ELP4: variants seen among roughly 807,000 people sequenced by gnomAD.
ELP4 encodes elongator complex protein 4.
A neutral mutation model predicts 48.9 loss-of-function variants in ELP4; 51 were observed. The ratio of observed to expected loss-of-function variants is 1.04; its 90% CI spans 0.83 to 1.32. ELP4 has a LOEUF of 1.32. Ranked by LOEUF, ELP4 falls within the 40% of genes most tolerant of loss-of-function variation. The pLI is 0.00. For missense variants in ELP4, 519 were observed against 514.6 expected (o/e 1.01, Z -0.08); for synonymous variants, 210 against 189.2 (o/e 1.11, Z -0.90).
chr11:31,704,991 CAG>C (rs1235267971), intron 9 of ELP4, among the ~76,000 whole-genome samples: 1 of 146,522 alleles, frequency 6.8e-6, no homozygotes, highest in African/African-American at 2.5e-5. Flanking sequence ...AACCTGGGAA[CAG>C]AGCGAGACTC....
At chr11:31,705,170 GGGAA>G (rs1296937305) in intron 9 of ELP4, among the ~76,000 whole-genome samples, 1 of 152,126 alleles carries the variant, frequency 6.6e-6, no homozygotes, top group Non-Finnish European at 1.5e-5. Flanking sequence ...TTTGGAGACT[GGGAA>G]GTCCAAGAGC....
chr11:31,553,336 A>G (rs74382768), intron 3 of ELP4, among the ~76,000 whole-genome samples: 4,023 of 152,240 alleles, frequency 0.026, 166 homozygotes, highest in African/African-American at 0.091. Flanking sequence ...AGGAATTAAC[A>G]TTTAATTTGG....
At chr11:31,553,676 C>T (rs1389146458) in intron 3 of ELP4, among the ~76,000 whole-genome samples, 2 of 149,614 alleles carry the variant, frequency 1.3e-5, no homozygotes, top group Non-Finnish European at 3.0e-5. Context: ...TTGCCCACAT[C>T]TATAATTATA....
intron 6 of ELP4, among the ~76,000 whole-genome samples, chr11:31,631,064 C>T (rs1944851059): frequency 6.6e-6 from 1 of 152,232 alleles, no homozygotes; most frequent in Non-Finnish European, 1.5e-5. Flanking sequence ...TATTCATTTA[C>T]TAGCTTATGT....
At chr11:31,539,933 G>C in intron 3 of ELP4, 150 bp downstream of exon 3, 1 of 614,478 alleles carries the variant, frequency 1.6e-6, no homozygotes. Context: ...TCAGTAAAAA[G>C]TATCAAATTT....
At chr11:31,781,401 C>T (rs1409360721) in intron 9 of ELP4, among the ~76,000 whole-genome samples, 1 of 150,966 alleles carries the variant, frequency 6.6e-6, no homozygotes, top group Non-Finnish European at 1.5e-5. Context: ...GTCCTGCTTC[C>T]TCACGTGGAC....
chr11:31,706,125 A>G (rs1297055044), intron 9 of ELP4, among the ~76,000 whole-genome samples: 1 of 152,128 alleles, frequency 6.6e-6, no homozygotes, highest in African/African-American at 2.4e-5. Flanking sequence ...TACTTTTTAA[A>G]TTGACATATA....
At chr11:31,734,506 G>A (rs996315721) in intron 9 of ELP4, among the ~76,000 whole-genome samples, 5 of 152,194 alleles carry the variant, frequency 3.3e-5, no homozygotes, top group Non-Finnish European at 7.3e-5. Context: ...AATGAATTCA[G>A]CAAAGTTGCT....
intron 3 of ELP4, among the ~76,000 whole-genome samples, chr11:31,552,096 T>G (rs999957927): frequency 6.6e-6 from 1 of 152,202 alleles, no homozygotes; most frequent in African/African-American, 2.4e-5. Context: ...GCACTTGATA[T>G]CATTGATCAT....
At chr11:31,622,580 A>G (rs1435370384) in intron 5 of ELP4, among the ~76,000 whole-genome samples, 2 of 151,604 alleles carry the variant, frequency 1.3e-5, no homozygotes, top group Non-Finnish European at 3.0e-5. Context: ...CTTTCTTAAT[A>G]AGATTGAATG....
At chr11:31,676,041 T>G (rs1945919642) in intron 9 of ELP4, among the ~76,000 whole-genome samples, 1 of 152,054 alleles carries the variant, frequency 6.6e-6, no homozygotes, top group South Asian at 2.1e-4. Flanking sequence ...ATTCTTCATC[T>G]CACTCAGAAG....
chr11:31,722,856 A>C (rs1318104369), intron 9 of ELP4, among the ~76,000 whole-genome samples: 1 of 152,138 alleles, frequency 6.6e-6, no homozygotes, highest in Admixed American at 6.5e-5. Flanking sequence ...AACTTGGGAC[A>C]CAAGCAGCCC....
chr11:31,720,756 G>A (rs1303808006), intron 9 of ELP4, among the ~76,000 whole-genome samples: 1 of 152,148 alleles, frequency 6.6e-6, no homozygotes, highest in Non-Finnish European at 1.5e-5. Flanking sequence ...TTGCTCTCAA[G>A]AAACATGAAC....
intron 3 of ELP4, among the ~76,000 whole-genome samples, chr11:31,557,857 TATAA>T (rs1004863409): frequency 6.6e-6 from 1 of 152,052 alleles, no homozygotes; most frequent in African/African-American, 2.4e-5. Context: ...CTTAATACCT[TATAA>T]ATAATTTTTT....
At chr11:31,673,199 T>G (rs1945846107) in intron 9 of ELP4, among the ~76,000 whole-genome samples, 1 of 152,102 alleles carries the variant, frequency 6.6e-6, no homozygotes, top group South Asian at 2.1e-4. Flanking sequence ...GTATTTTTAG[T>G]AGAGATGGGG....
chr11:31,538,135 T>C (rs1362655879), intron 2 of ELP4, among the ~76,000 whole-genome samples: 1 of 151,656 alleles, frequency 6.6e-6, no homozygotes, highest in Admixed American at 6.6e-5. Flanking sequence ...TCAGTTCCTA[T>C]TTTTGTTACT....
chr11:31,639,533 G>A lies in ELP4; in HGVS notation c.927+7128G>A, dbSNP rs184088433. On this transcript the variant is annotated intron_variant, in intron 7 of 9. Transcript: ENST00000640961. Reference sequence around the variant, plus strand: ...TAAAGTCACATCATAGCTTGTGTGCGTTATACGTATATATTTAATTTACTT... The same window carrying A: ...TAAAGTCACATCATAGCTTGTGTGCATTATACGTATATATTTAATTTACTT... Among the ~76,000 whole-genome samples, 253 of 151,872 alleles carry A rather than the reference G, an allele frequency of 1.7e-3. 1 individual carries two copies. Among genetic ancestry groups the A allele is most frequent in the Non-Finnish European group, 3.0e-3 (202 of 67,884 alleles).
intron 9 of ELP4, among the ~76,000 whole-genome samples, chr11:31,686,813 G>T (rs1445127608): frequency 6.6e-6 from 1 of 151,470 alleles, no homozygotes; most frequent in Non-Finnish European, 1.5e-5. Context: ...AGGTTGCAGT[G>T]AGCCGAGATC....
chr11:31,761,760 G>T (rs1358779264), intron 9 of ELP4, among the ~76,000 whole-genome samples: 1 of 152,192 alleles, frequency 6.6e-6, no homozygotes, highest in Non-Finnish European at 1.5e-5. Context: ...CATGTATGTA[G>T]GTGTGGTCTT....
Sources: allele counts gnomAD v4.1 joint callset (sites outside exome capture counted in the v4.1 genomes callset), GRCh38; gene constraint gnomAD v4.1.1; transcripts MANE v1.5; gene names NCBI Gene and HGNC (gene_info 2026-07-23, HGNC 2026-07-21).